DCLK2: variants seen among roughly 807,000 people sequenced by gnomAD.
DCLK2 encodes doublecortin like kinase 2.
Under a neutral mutation model 78.4 loss-of-function variants are expected in DCLK2, and 31 were observed. The observed-to-expected ratio is 0.40, with a 90% CI of 0.30 to 0.53. The LOEUF is 0.53. Among genes scored for constraint, DCLK2 ranks in the 20% least tolerant of loss-of-function variants. The pLI is 0.61. For synonymous variants in DCLK2, 407 were observed against 374.9 expected, an observed-to-expected ratio of 1.09 and a Z score of -0.99; for missense variants, 872 against 973.7, an observed-to-expected ratio of 0.90 and a Z score of 1.39.
chr4:150,243,839 C>G (rs1029206183), intron 12 of DCLK2, among the ~76,000 whole-genome samples: 2 of 146,532 alleles, frequency 1.4e-5, no homozygotes, highest in Admixed American at 1.4e-4. Flanking sequence ...GTAGCTGGGA[C>G]TACAAGCACA....
At chr4:150,215,268 A>G (rs1475618426) in intron 5 of DCLK2, among the ~76,000 whole-genome samples, 1 of 152,162 alleles carries the variant, frequency 6.6e-6, no homozygotes, top group East Asian at 1.9e-4. Context: ...TCTATAGCAG[A>G]CACTAGGTGG....
At chr4:150,134,240 C>G (rs1256896540) in intron 2 of DCLK2, among the ~76,000 whole-genome samples, 1 of 151,880 alleles carries the variant, frequency 6.6e-6, no homozygotes, top group Non-Finnish European at 1.5e-5. Context: ...GCCACTACGC[C>G]CAGCTAATTT....
intron 7 of DCLK2, among the ~76,000 whole-genome samples, chr4:150,223,730 C>G (rs1046729998): frequency 3.5e-5 from 5 of 143,602 alleles, no homozygotes; most frequent in Non-Finnish European, 7.5e-5. Flanking sequence ...GCTGACAGAG[C>G]AAGACTCTCT....
intron 6 of DCLK2, among the ~76,000 whole-genome samples, chr4:150,221,327 T>C (rs543280507): frequency 5.3e-5 from 8 of 151,952 alleles, no homozygotes; most frequent in African/African-American, 1.7e-4. Context: ...GTTTTTTTTT[T>C]TTTTCTTTTT....
intron 2 of DCLK2, among the ~76,000 whole-genome samples, chr4:150,183,876 G>A (rs1454597953): frequency 1.3e-5 from 2 of 151,956 alleles, no homozygotes; most frequent in African/African-American, 4.8e-5. Flanking sequence ...GGGACCACAG[G>A]CATGAGCCAC....
At chr4:150,175,209 A>ATATATTTATC (rs1736978261) in intron 2 of DCLK2, among the ~76,000 whole-genome samples, 1 of 115,176 alleles carries the variant, frequency 8.7e-6, no homozygotes, top group African/African-American at 3.5e-5. Flanking sequence ...ATATATTTAT[A>ATATATTTATC]TATATTTATC....
chr4:150,218,050 A>T (rs943354950), intron 5 of DCLK2, among the ~76,000 whole-genome samples: 2 of 149,294 alleles, frequency 1.3e-5, no homozygotes, highest in African/African-American at 2.5e-5. Context: ...GCTCGCTCTC[A>T]CTCTCGCTCT....
chr4:150,140,154 A>G (rs1287730998), intron 2 of DCLK2, among the ~76,000 whole-genome samples: 1 of 152,232 alleles, frequency 6.6e-6, no homozygotes, highest in Admixed American at 6.5e-5. Flanking sequence ...TAAACATAAT[A>G]AATTTCATGG....
chr4:150,118,930 C>T (rs1158847837), intron 2 of DCLK2, among the ~76,000 whole-genome samples: 2 of 152,064 alleles, frequency 1.3e-5, no homozygotes, highest in Non-Finnish European at 2.9e-5. Flanking sequence ...GAGGCTGAGG[C>T]AGGAGAATCA....
intron 6 of DCLK2, among the ~76,000 whole-genome samples, chr4:150,221,080 A>G (rs1741151926): frequency 6.6e-6 from 1 of 152,158 alleles, no homozygotes; most frequent in African/African-American, 2.4e-5. Context: ...AGATAACAAA[A>G]CTGTGTTTTC....
At chr4:150,248,842 G>A (rs1743522941) in intron 14 of DCLK2, among the ~76,000 whole-genome samples, 1 of 152,098 alleles carries the variant, frequency 6.6e-6, no homozygotes, top group Non-Finnish European at 1.5e-5. Context: ...AGAGCTGAGT[G>A]GAGACACATG....
intron 2 of DCLK2, among the ~76,000 whole-genome samples, chr4:150,139,476 T>A (rs1310761080): frequency 6.6e-6 from 1 of 152,212 alleles, no homozygotes; most frequent in African/African-American, 2.4e-5. Context: ...GTTCCTTGGT[T>A]AGCCACAGCA....
chr4:150,140,473 G>A (rs987724029), intron 2 of DCLK2, among the ~76,000 whole-genome samples: 1 of 152,212 alleles, frequency 6.6e-6, no homozygotes, highest in Non-Finnish European at 1.5e-5. Context: ...TGGTGACGCT[G>A]TGTGTGGCAG....
At chr4:150,102,314 G>C (rs1317044400) in intron 1 of DCLK2, among the ~76,000 whole-genome samples, 164 bp from the exon 2 acceptor site, 1 of 152,162 alleles carries the variant, frequency 6.6e-6, no homozygotes, top group South Asian at 2.1e-4. Flanking sequence ...CTATTTAAAA[G>C]AAAGGAAGGT....
At chr4:150,124,523 G>A (rs1198431686) in intron 2 of DCLK2, among the ~76,000 whole-genome samples, 3 of 152,154 alleles carry the variant, frequency 2.0e-5, no homozygotes, top group Admixed American at 1.3e-4. Context: ...GCTGACGTTA[G>A]TTACATGGTT....
At chr4:150,210,096 G>A (rs575924732) in intron 5 of DCLK2, among the ~76,000 whole-genome samples, 46 of 152,204 alleles carry the variant, frequency 3.0e-4, no homozygotes, top group African/African-American at 1.1e-3. Context: ...TGGAAAAAAA[G>A]CACATGAAGT....
chr4:150,117,273 C>T (rs1026980048), intron 2 of DCLK2, among the ~76,000 whole-genome samples: 1 of 152,136 alleles, frequency 6.6e-6, no homozygotes, highest in Non-Finnish European at 1.5e-5. Flanking sequence ...ACGCACTTGG[C>T]AAGGCAGGTC....
At chr4:150,167,937 C>T (rs1736218856) in intron 2 of DCLK2, among the ~76,000 whole-genome samples, 1 of 152,208 alleles carries the variant, frequency 6.6e-6, no homozygotes, top group Non-Finnish European at 1.5e-5. Context: ...ACACACTGTG[C>T]ATGCAGGCCC....
At chr4:150,230,187 T>A (rs908276519) in intron 8 of DCLK2, among the ~76,000 whole-genome samples, 4 of 152,244 alleles carry the variant, frequency 2.6e-5, no homozygotes, top group Non-Finnish European at 5.9e-5. Flanking sequence ...GAGGAAATGT[T>A]GCTGCAGTAT....
Sources: gnomAD v4.1 joint callset for allele counts (sites outside exome capture counted in the v4.1 genomes callset) on GRCh38, gnomAD v4.1.1 for gene constraint, MANE v1.5 for transcripts, NCBI Gene and HGNC (gene_info 2026-07-23, HGNC 2026-07-21) for gene names.